The following FBXL7 variants were observed in gnomAD, a reference collection of about 807,000 sequenced individuals.
The protein encoded by FBXL7 is F-box/LRR-repeat protein 7.
Under a neutral mutation model 38.3 loss-of-function variants are expected in FBXL7, and 12 were observed. The ratio of observed to expected loss-of-function variants is 0.31; its 90% CI spans 0.20 to 0.51. The LOEUF is 0.51. Among genes scored for constraint, FBXL7 ranks in the 20% least tolerant of loss-of-function variants. FBXL7 has a pLI of 0.98. For synonymous variants in FBXL7, 297 were observed against 300.9 expected (o/e 0.99, Z 0.13); for missense variants, 567 against 676.4 (o/e 0.84, Z 1.79).
intron 1 of FBXL7, among the ~76,000 whole-genome samples, chr5:15,578,721 G>A (rs567524904): frequency 9.2e-4 from 140 of 152,286 alleles, no homozygotes; most frequent in Middle Eastern, 3.4e-3. Context: ...CACAATTCCA[G>A]TCCATTCTGA....
At chr5:15,664,202 T>C (rs1354994824) in intron 2 of FBXL7, among the ~76,000 whole-genome samples, 1 of 152,174 alleles carries the variant, frequency 6.6e-6, no homozygotes, top group Non-Finnish European at 1.5e-5. Flanking sequence ...TCAGATAGTA[T>C]TATAAGATTT....
rs148120441 is a variant in FBXL7, at chr5:15,864,758, A to G, written c.128-63132A>G. Among the ~76,000 whole-genome samples, 479 of 152,358 alleles carry G rather than the reference A, an allele frequency of 3.1e-3. 1 individual carries two copies. The highest frequency in any genetic ancestry group is 0.011 in the African/African-American group (452 of 41,584). ...AGCCAAGACACATGGTTTACGTTGCAGTAGAATAAGTCAGCAGGTTCAGTA... is the reference window on the plus strand; with the variant it reads ...AGCCAAGACACATGGTTTACGTTGCGGTAGAATAAGTCAGCAGGTTCAGTA... On this transcript the variant is annotated intron_variant, in intron 2 of 3. Transcript: ENST00000504595.
At chr5:15,546,159 G>A (rs1462300340) in intron 1 of FBXL7, among the ~76,000 whole-genome samples, 1 of 152,238 alleles carries the variant, frequency 6.6e-6, no homozygotes, top group Non-Finnish European at 1.5e-5. Flanking sequence ...GACAGATGCA[G>A]TGACTCACGC....
At chr5:15,603,544 T>G (rs1739877033) in intron 1 of FBXL7, among the ~76,000 whole-genome samples, 1 of 152,344 alleles carries the variant, frequency 6.6e-6, no homozygotes, top group Middle Eastern at 3.4e-3. Context: ...TGCCCTCCAG[T>G]GGGAATTCTC....
chr5:15,874,017 C>A (rs2089201), intron 2 of FBXL7, among the ~76,000 whole-genome samples: 3 of 151,836 alleles, frequency 2.0e-5, no homozygotes, highest in Non-Finnish European at 2.9e-5. Context: ...GCGAAAATAC[C>A]CAATAAAATA....
intron 3 of FBXL7, among the ~76,000 whole-genome samples, chr5:15,935,521 G>A (rs1047287271): frequency 7.1e-6 from 1 of 141,368 alleles, no homozygotes; most frequent in Non-Finnish European, 1.5e-5. Context: ...GAGTGAACGG[G>A]CGTCATCCCG....
At chr5:15,712,469 A>T (rs1304359219) in intron 2 of FBXL7, among the ~76,000 whole-genome samples, 5 of 152,144 alleles carry the variant, frequency 3.3e-5, no homozygotes. Context: ...AAGTAGCCCT[A>T]AAAACCTGGC....
chr5:15,641,270 AC>A (rs1741361453), intron 2 of FBXL7, among the ~76,000 whole-genome samples: 1 of 152,164 alleles, frequency 6.6e-6, no homozygotes, highest in Admixed American at 6.5e-5. Context: ...ATGAATGCTT[AC>A]CCTACAGTTG....
intron 2 of FBXL7, among the ~76,000 whole-genome samples, chr5:15,704,620 C>T (rs1247162744): frequency 6.6e-6 from 1 of 152,208 alleles, no homozygotes; most frequent in Non-Finnish European, 1.5e-5. Context: ...TCAGGATATA[C>T]TGCATTTCTT....
chr5:15,802,176 G>A (rs990630265), intron 2 of FBXL7, among the ~76,000 whole-genome samples: 20 of 151,942 alleles, frequency 1.3e-4, no homozygotes, highest in Non-Finnish European at 1.6e-4. Flanking sequence ...TGACAATCAC[G>A]CTGAGAGACC....
chr5:15,920,639 G>A (rs1386654837), intron 2 of FBXL7, among the ~76,000 whole-genome samples: 1 of 152,010 alleles, frequency 6.6e-6, no homozygotes, highest in African/African-American at 2.4e-5. Flanking sequence ...TCCTGCCTCA[G>A]CCACCCAAGT....
chr5:15,771,439 C>T (rs553111781), intron 2 of FBXL7, among the ~76,000 whole-genome samples: 36 of 152,262 alleles, frequency 2.4e-4, no homozygotes, highest in African/African-American at 7.7e-4. Context: ...TCACTTTATT[C>T]AGTACAAACT....
At position 15,719,389 on chromosome 5, in the gene FBXL7, G is replaced by A. The variant is rs1430399673; in HGVS notation, c.127+103317G>A. Among the ~76,000 whole-genome samples the A allele has an allele frequency of 1.6e-5, 2 of 122,828 alleles. 1 individual carries two copies. Among genetic ancestry groups the A allele is most frequent in the African/African-American group, 5.5e-5 (2 of 36,204 alleles). 80.6% of individuals were successfully genotyped at this position (122,828 alleles called of 152,430 possible). ...TCTGATGTTTCTGATATCATGCTAA[G>A]TGACCTATTTATAATATTATTTGAT... is the stretch of plus-strand genomic sequence containing the variant. On this transcript the variant is annotated intron_variant, in intron 2 of 3. Coordinates refer to ENST00000504595, the MANE Select transcript of FBXL7 (RefSeq NM_012304.5).
chr5:15,527,859 C>G (rs188434742), intron 1 of FBXL7, among the ~76,000 whole-genome samples: 4 of 152,292 alleles, frequency 2.6e-5, no homozygotes, highest in Non-Finnish European at 4.4e-5. Flanking sequence ...TATCTGGACT[C>G]TCATATTTCT....
Position 15,786,527 on chromosome 5 carries a change from A to C in FBXL7, c.128-141363A>C, listed in dbSNP as rs567624298. Among the ~76,000 whole-genome samples, 3 of 152,288 alleles carry C rather than the reference A, an allele frequency of 2.0e-5. No homozygotes were observed. In the South Asian group the frequency reaches 6.2e-4, roughly 32 times the overall value. On this transcript the variant is annotated intron_variant, in intron 2 of 3. Transcript: ENST00000504595. ...AGTCCTTGATATACTTGCAGTGCCA[A>C]CTGCCTGTTCTTTTCTGGGAGGCTC...
chr5:15,661,127 T>G (rs1434611667), intron 2 of FBXL7, among the ~76,000 whole-genome samples: 1 of 152,212 alleles, frequency 6.6e-6, no homozygotes, highest in African/African-American at 2.4e-5. Context: ...TCTTTTATAT[T>G]GAGAAAGTCA....
chr5:15,759,327 C>A (rs1454593922), intron 2 of FBXL7, among the ~76,000 whole-genome samples: 1 of 152,078 alleles, frequency 6.6e-6, no homozygotes, highest in Non-Finnish European at 1.5e-5. Context: ...TAAATAATTT[C>A]ATTTAAACTT....
intron 2 of FBXL7, among the ~76,000 whole-genome samples, chr5:15,902,431 T>C (rs1337934705): frequency 6.6e-6 from 1 of 152,212 alleles, no homozygotes; most frequent in Non-Finnish European, 1.5e-5. Flanking sequence ...TATGTTGACA[T>C]AATGAAGACA....
intron 2 of FBXL7, among the ~76,000 whole-genome samples, chr5:15,653,290 A>G (rs1483040173): frequency 2.0e-5 from 3 of 152,242 alleles, no homozygotes; most frequent in Non-Finnish European, 4.4e-5. Flanking sequence ...GGTTGCCACA[A>G]ATCTTCAATT....
Sources: allele counts gnomAD v4.1 joint callset (sites outside exome capture counted in the v4.1 genomes callset), GRCh38; gene constraint gnomAD v4.1.1; transcripts MANE v1.5; gene names NCBI Gene and HGNC (gene_info 2026-07-23, HGNC 2026-07-21).